VIPR2: variants seen among roughly 807,000 people sequenced by gnomAD.
VIPR2 encodes vasoactive intestinal polypeptide receptor 2.
In VIPR2, 48 loss-of-function variants were observed where a neutral mutation model predicts 58.0. The ratio of observed to expected loss-of-function variants is 0.83; its 90% CI spans 0.66 to 1.05. The LOEUF is 1.05. Ranked by LOEUF, VIPR2 falls within the 50% of genes least tolerant of loss-of-function variation. VIPR2 has a pLI of 0.00. For missense variants in VIPR2, 534 were observed against 558.0 expected (o/e 0.96, Z 0.43); for synonymous variants, 243 against 235.2 (o/e 1.03, Z -0.30).
Position 159,099,387 on chromosome 7 carries a change from G to A in VIPR2, c.357+4370C>T, listed in dbSNP as rs1037302080. Among the ~76,000 whole-genome samples, 1 of 152,180 alleles carries A rather than the reference G, an allele frequency of 6.6e-6. No homozygotes were observed. Among genetic ancestry groups the A allele is most frequent in the African/African-American group, 2.4e-5 (1 of 41,444 alleles). On this transcript the variant is annotated intron_variant, in intron 4 of 12. Coordinates refer to ENST00000262178, the MANE Select transcript of VIPR2 (RefSeq NM_003382.5). The surrounding 1 kb of genome is among the most constrained non-coding windows in gnomAD (Gnocchi z 4.2). ...CAGTGGACCCAGAAGAGCTTGCCAC[G>A]TGTCCCTGGGATGCCTCACAGGGTG...
chr7:159,091,926 C>T (rs1166104669), intron 4 of VIPR2, among the ~76,000 whole-genome samples: 1 of 152,216 alleles, frequency 6.6e-6, no homozygotes, highest in Admixed American at 6.5e-5. Flanking sequence ...CCAGGAGTCT[C>T]TACTAAAAAT....
At chr7:159,118,111 A>G (rs1275115484) in intron 2 of VIPR2, among the ~76,000 whole-genome samples, 1 of 152,182 alleles carries the variant, frequency 6.6e-6, no homozygotes, top group African/African-American at 2.4e-5. Context: ...TGCACAGCAA[A>G]TAACGGGCTG....
rs139351761 is a variant in VIPR2 at position 159,079,944 on chromosome 7, A to G, written c.358-21366T>C. ...AGAAGTTGAATCTCTGAATAGGCCA[A>G]CAACAGGCTCTGAAATTGAGGGAAT... On this transcript the variant is annotated intron_variant, in intron 4 of 12. Transcript: ENST00000262178. Among the ~76,000 whole-genome samples, 260 of 152,364 alleles carry G rather than the reference A, an allele frequency of 1.7e-3. 1 individual carries two copies. The highest frequency in any genetic ancestry group is 5.9e-3 in the African/African-American group (244 of 41,592).
At chr7:159,133,029 T>TTGGCATACAGATTGATTTCAGACAGAA (rs1585563303) in intron 2 of VIPR2, among the ~76,000 whole-genome samples, 3 of 88,418 alleles carry the variant, frequency 3.4e-5, no homozygotes, top group African/African-American at 4.8e-5. Context: ...GACAGAATGA[T>TTGGCATACAGATTGATTTCAGACAGAA]TCCAAAAATG....
intron 6 of VIPR2, among the ~76,000 whole-genome samples, chr7:159,037,111 C>T (rs1048015130): frequency 2.6e-5 from 4 of 152,204 alleles, no homozygotes; most frequent in Non-Finnish European, 5.9e-5. Flanking sequence ...GTATCCGCGG[C>T]TCCAGAGGAG....
In VIPR2 at chr7:159,096,192, A is replaced by G. The variant is rs551862874; in HGVS notation, c.357+7565T>C. 4.6e-4 allele frequency among the ~76,000 whole-genome samples: 70 copies of G among 152,292 alleles called. No individual in the cohort carries two copies. The highest frequency in any genetic ancestry group is 6.8e-3 in the Middle Eastern group (2 of 294). ...CGGAGGTCCCACCCAAGGCTGCCCAAGCCCAAAGACAGGCCTCCTATCCAT... is the reference window on the plus strand; with the variant it reads ...CGGAGGTCCCACCCAAGGCTGCCCAGGCCCAAAGACAGGCCTCCTATCCAT... On this transcript the variant is annotated intron_variant, in intron 4 of 12. Coordinates refer to ENST00000262178, the MANE Select transcript of VIPR2 (RefSeq NM_003382.5). The surrounding 1 kb of genome is among the most constrained non-coding windows in gnomAD (Gnocchi z 5.5).
intron 2 of VIPR2, among the ~76,000 whole-genome samples, chr7:159,140,083 GT>G (rs372853585): frequency 7.3e-5 from 10 of 137,792 alleles, no homozygotes; most frequent in East Asian, 2.2e-4. Flanking sequence ...TTTTGTTTTT[GT>G]TTTTTTTTTA....
chr7:159,050,396 C>T lies in VIPR2; in HGVS notation c.456-7220G>A, dbSNP rs546362211. ...AAAAACAAAAAAACCCAGACAATAG[C>T]GATTCAGATGCTAGTGTTTTAAGAC... On this transcript the variant is annotated intron_variant, in intron 5 of 12. Transcript: ENST00000262178. Among the ~76,000 whole-genome samples the T allele has an allele frequency of 3.9e-4, 58 of 149,356 alleles. 1 individual carries two copies. Among genetic ancestry groups the T allele is most frequent in the African/African-American group, 1.3e-3 (52 of 40,822 alleles).
chr7:159,135,004 G>GATTTTTTTTTTTTT (rs1797145199), intron 2 of VIPR2, among the ~76,000 whole-genome samples: 2 of 65,992 alleles, frequency 3.0e-5, no homozygotes, highest in Non-Finnish European at 2.8e-5. Flanking sequence ...AATTACAAAA[G>GATTTTTTTTTTTTT]TTTTTTTTTT....
At position 159,036,050 on chromosome 7, in the gene VIPR2, C is replaced by T. The variant is rs376733468; in HGVS notation, c.749-38G>A. On this transcript the variant is annotated intron_variant, in intron 7 of 12. Coordinates refer to ENST00000262178, the MANE Select transcript of VIPR2 (RefSeq NM_003382.5). ...GCCTGGTTACACAGGTGGAGCGGAG[C>T]GGTGTGCACGCACACAGGTGGGTGC... 1.5e-4 allele frequency: 234 copies of T among 1,596,466 alleles called. 1 individual carries two copies. In the African/African-American group the frequency reaches 2.6e-3, roughly 18 times the overall value.
chr7:159,065,118 G>C (rs1300967239), intron 4 of VIPR2, among the ~76,000 whole-genome samples: 2 of 152,194 alleles, frequency 1.3e-5, no homozygotes, highest in Admixed American at 1.3e-4. Context: ...GGCTTTCTTG[G>C]CTCTCCTAAA....
At chr7:159,144,475 T>C (rs1204838122) in intron 1 of VIPR2, 1 of 1,539,592 alleles carries the variant, frequency 6.5e-7, no homozygotes, top group Non-Finnish European at 8.8e-7. Flanking sequence ...CCCCGGACGG[T>C]GGGGCGCGGG....
chr7:159,137,690 A>G (rs1331240626), intron 2 of VIPR2, among the ~76,000 whole-genome samples: 2 of 152,222 alleles, frequency 1.3e-5, no homozygotes, highest in African/African-American at 4.8e-5. Context: ...TTACTTTAAG[A>G]CTGTCCCAAC....
chr7:159,140,862 C>T (rs747265183), intron 2 of VIPR2, among the ~76,000 whole-genome samples: 22 of 152,118 alleles, frequency 1.4e-4, no homozygotes, highest in Non-Finnish European at 2.9e-4. Context: ...CAGGAGGCGT[C>T]GCCAATCTCA....
At chr7:159,112,233 C>T (rs557139761) in intron 2 of VIPR2, among the ~76,000 whole-genome samples, 1 of 152,340 alleles carries the variant, frequency 6.6e-6, no homozygotes, top group African/African-American at 2.4e-5. Flanking sequence ...AAAGTCTTCT[C>T]TTCATTTGTT....
At chr7:159,139,956 G>T (rs1351949339) in intron 2 of VIPR2, among the ~76,000 whole-genome samples, 1 of 152,276 alleles carries the variant, frequency 6.6e-6, no homozygotes, top group Non-Finnish European at 1.5e-5. Context: ...GAGAAAGCTT[G>T]TCTTAGTGAT....
intron 2 of VIPR2, among the ~76,000 whole-genome samples, chr7:159,125,649 G>T (rs1322239920): frequency 6.6e-6 from 1 of 152,154 alleles, no homozygotes; most frequent in Admixed American, 6.5e-5. Context: ...GCCTTCAAGG[G>T]GCTGCTGCAG....
chr7:159,064,872 C>T (rs545586546), intron 4 of VIPR2, among the ~76,000 whole-genome samples: 1 of 152,332 alleles, frequency 6.6e-6, no homozygotes, highest in South Asian at 2.1e-4. Context: ...CCTGGCAAGA[C>T]AGGCTTTGAT....
chr7:159,051,594 A>C (rs140953576), intron 5 of VIPR2, among the ~76,000 whole-genome samples: 195 of 152,366 alleles, frequency 1.3e-3, no homozygotes, highest in African/African-American at 4.5e-3. Context: ...TTAAAAATAA[A>C]GATTGTAGAC....
Sources: gnomAD v4.1 joint callset for allele counts (sites outside exome capture counted in the v4.1 genomes callset) on GRCh38, gnomAD v4.1.1 for gene constraint, Gnocchi (gnomAD v3.1) non-coding constraint, MANE v1.5 for transcripts, NCBI Gene and HGNC (gene_info 2026-07-23, HGNC 2026-07-21) for gene names.